TMEM39A: variants seen among roughly 807,000 people sequenced by gnomAD.
TMEM39A encodes suppressor of SQST-1 aggregates in rpl-43 mutants.
Under a neutral mutation model 51.9 loss-of-function variants are expected in TMEM39A, and 19 were observed. That is an observed-to-expected ratio of 0.37 (90% CI 0.26 to 0.54). The LOEUF (loss-of-function observed/expected upper bound fraction) is 0.54. Among genes scored for constraint, TMEM39A ranks in the 20% least tolerant of loss-of-function variants. The pLI, the probability that TMEM39A is intolerant of heterozygous loss-of-function variation, is 0.88. For missense variants in TMEM39A, 433 were observed against 590.5 expected, an observed-to-expected ratio of 0.73 and a Z score of 2.76; for synonymous variants, 197 against 220.2, an observed-to-expected ratio of 0.89 and a Z score of 0.93.
chr3:119,433,122 ATAAC>A (rs1218813218), intron 8 of TMEM39A, among the ~76,000 whole-genome samples: 1 of 152,180 alleles, frequency 6.6e-6, no homozygotes, highest in Non-Finnish European at 1.5e-5. Flanking sequence ...CAGATCTAAA[ATAAC>A]TAATTTAGAT....
At chr3:119,438,505 T>C (rs770359905) in intron 5 of TMEM39A, among the ~76,000 whole-genome samples, 4 of 152,250 alleles carry the variant, frequency 2.6e-5, no homozygotes, top group Non-Finnish European at 5.9e-5. Context: ...TTAAACTTTG[T>C]ATGTGTGCAT....
At chr3:119,457,495 C>T (rs1272640255) in intron 3 of TMEM39A, among the ~76,000 whole-genome samples, 1 of 152,168 alleles carries the variant, frequency 6.6e-6, no homozygotes, top group African/African-American at 2.4e-5. Context: ...CTGTCCTTTA[C>T]ATTGCCCTAA....
chr3:119,440,417 C>T (rs1010185397), intron 5 of TMEM39A, among the ~76,000 whole-genome samples: 5 of 152,106 alleles, frequency 3.3e-5, no homozygotes, highest in African/African-American at 1.2e-4. Context: ...GAAAATCATT[C>T]TAGCTACAAT....
intron 4 of TMEM39A, among the ~76,000 whole-genome samples, chr3:119,448,586 T>C (rs139950182): frequency 1.5e-3 from 228 of 152,324 alleles, no homozygotes; most frequent in African/African-American, 4.5e-3. Context: ...ATAAATGCCA[T>C]AATGAACGGC....
intron 3 of TMEM39A, 69 bp downstream of exon 3, chr3:119,457,949 A>T: frequency 8.4e-7 from 1 of 1,190,728 alleles, no homozygotes; most frequent in Non-Finnish European, 1.2e-6. Context: ...AACAATTTCT[A>T]CAGAAAGGCT....
At chr3:119,445,224 T>C (rs1382416031) in intron 5 of TMEM39A, among the ~76,000 whole-genome samples, 1 of 152,166 alleles carries the variant, frequency 6.6e-6, no homozygotes, top group African/African-American at 2.4e-5. Context: ...CAAAACTCCA[T>C]ATACACAAGA....
intron 5 of TMEM39A, among the ~76,000 whole-genome samples, chr3:119,442,053 A>T (rs1172103196): frequency 6.6e-6 from 1 of 152,214 alleles, no homozygotes; most frequent in Non-Finnish European, 1.5e-5. Flanking sequence ...TAAAAATATT[A>T]TGTACGGCTG....
At chr3:119,434,234 T>C (rs1241673904) in intron 8 of TMEM39A, among the ~76,000 whole-genome samples, 1 of 152,104 alleles carries the variant, frequency 6.6e-6, no homozygotes, top group Non-Finnish European at 1.5e-5. Flanking sequence ...ATGTAGTGGG[T>C]TTCTATTGCT....
chr3:119,453,580 G>A (rs1254138214), intron 3 of TMEM39A, among the ~76,000 whole-genome samples: 4 of 152,190 alleles, frequency 2.6e-5, no homozygotes, highest in Non-Finnish European at 5.9e-5. Flanking sequence ...AGAAAGAGCT[G>A]TCCCCTTTTC....
chr3:119,434,144 T>C (rs1180562791), intron 8 of TMEM39A, among the ~76,000 whole-genome samples: 1 of 152,214 alleles, frequency 6.6e-6, no homozygotes, highest in Non-Finnish European at 1.5e-5. Flanking sequence ...TTTATAAGTA[T>C]ATACTTTTGC....
Position 119,463,584 on chromosome 3 carries a change from A to G in TMEM39A, c.-323T>C, listed in dbSNP as rs981401956. On this transcript the variant is annotated 5_prime_UTR_variant, in exon 1 of 9. Transcript: ENST00000319172. ...TAGAGCCAGAGCCTGATACTTCAGC[A>G]CCCATCCCTAGCCTCCATTACCGCG... 6 of 398,728 alleles carry G rather than the reference A, an allele frequency of 1.5e-5. No homozygotes were observed. Among genetic ancestry groups the G allele is most frequent in the African/African-American group, 1.2e-4 (6 of 48,750 alleles). The allele number at this position is 398,728 out of a possible 1,614,324, so 24.7% of individuals were successfully genotyped here. A position where few individuals can be genotyped will look rare whatever the true frequency, so the allele number is the denominator to read the frequency against.
At chr3:119,432,928 G>C (rs1335318160) in intron 8 of TMEM39A, among the ~76,000 whole-genome samples, 1 of 151,982 alleles carries the variant, frequency 6.6e-6, no homozygotes, top group Non-Finnish European at 1.5e-5. Flanking sequence ...TAAAAATAGG[G>C]ATTACTACTA....
intron 8 of TMEM39A, among the ~76,000 whole-genome samples, chr3:119,432,437 CCT>C (rs1451351175): frequency 2.0e-5 from 3 of 151,810 alleles, no homozygotes; most frequent in African/African-American, 4.8e-5. Context: ...TTTCAATGCC[CCT>C]GAGACACGAA....
intron 2 of TMEM39A, 96 bp downstream of exon 2, chr3:119,461,866 C>T (rs1160572369): frequency 2.0e-6 from 2 of 985,454 alleles, no homozygotes; most frequent in Non-Finnish European, 2.9e-6. Context: ...AAGAATAAAT[C>T]TCAATAAGCA....
At chr3:119,462,951 A>G (rs2081359593) in intron 1 of TMEM39A, among the ~76,000 whole-genome samples, 1 of 152,010 alleles carries the variant, frequency 6.6e-6, no homozygotes, top group African/African-American at 2.4e-5. Flanking sequence ...TTCTGTCAAC[A>G]TGGATACCAA....
rs746205887 is a variant in TMEM39A, at chr3:119,452,467, C to G, written c.400G>C (p.Val134Leu). ...GTTACCTCTGAGATGAGAGCCCATA[C>G]AAGCCTCCTCGCAAGCATCACTGTG... ...FITVMLARRL[V>L]WALISEATKA... The change falls in exon 4 of 9, where the codon GTA (valine) becomes CTA (leucine). Residue 134 changes from valine (V) to leucine (L), a missense_variant. By Grantham distance (32) the Val-to-Leu change is conservative. This residue lies in a region of TMEM39A where 170 missense variants were observed against 239.8 expected (regional missense o/e 0.71). Transcript: ENST00000319172. 6.2e-7 allele frequency: 1 copy of G among 1,613,684 alleles called. No individual in the cohort carries two copies.
intron 5 of TMEM39A, among the ~76,000 whole-genome samples, chr3:119,440,357 C>A (rs562364323): frequency 6.6e-6 from 1 of 152,258 alleles, no homozygotes; most frequent in South Asian, 2.1e-4. Context: ...GAAAATAATT[C>A]ATTAAAGGAT....
chr3:119,436,956 CGCA>C lies in TMEM39A; in HGVS notation c.944_946del (p.Met315_Arg316delinsSer). ...CATAATGAGGTGCTCACATGACCAGCGCATGTCATAGTACTGGGTACTCTGGAA... is the reference window on the plus strand; with the variant it reads ...CATAATGAGGTGCTCACATGACCAGCTGTCATAGTACTGGGTACTCTGGAA... On this transcript the variant is annotated inframe_deletion, in exon 7 of 9. Coordinates refer to ENST00000319172, the MANE Select transcript of TMEM39A (RefSeq NM_018266.3). The C allele has an allele frequency of 6.2e-7, 1 of 1,613,474 alleles. No homozygotes were observed. Among genetic ancestry groups the C allele is most frequent in the South Asian group, 1.1e-5 (1 of 91,046 alleles).
intron 4 of TMEM39A, among the ~76,000 whole-genome samples, chr3:119,448,256 T>C (rs1042914007): frequency 3.9e-5 from 6 of 152,166 alleles, no homozygotes; most frequent in Non-Finnish European, 7.3e-5. Flanking sequence ...TTGTCAAAAC[T>C]TACTCTGCAA....
Sources: allele counts gnomAD v4.1 joint callset (sites outside exome capture counted in the v4.1 genomes callset), GRCh38; gene constraint gnomAD v4.1.1; regional missense constraint gnomAD v4.1.1; transcripts MANE v1.5; gene names NCBI Gene and HGNC (gene_info 2026-07-23, HGNC 2026-07-21).